Variants in INPP5A observed in about 807,000 individuals in gnomAD.
INPP5A encodes the protein inositol polyphosphate-5-phosphatase A.
INPP5A carries 14 observed loss-of-function variants against 65.2 expected under a neutral mutation model. That is an observed-to-expected ratio of 0.21 (90% CI 0.14 to 0.34). The LOEUF (loss-of-function observed/expected upper bound fraction) is 0.34, where lower values mean the gene tolerates loss of function less well. Ranked by LOEUF, INPP5A falls within the 10% of genes least tolerant of loss-of-function variation. The probability of loss-of-function intolerance (pLI) is 1.00; values close to 1 mark genes in which losing one functional copy is unlikely to be tolerated. For synonymous variants in INPP5A, 207 were observed against 208.3 expected (o/e 0.99, Z 0.05); for missense variants, 431 against 545.6 (o/e 0.79, Z 2.09).
At chr10:132,735,935 TG>T (rs1846168579) in intron 9 of INPP5A, among the ~76,000 whole-genome samples, 1 of 152,192 alleles carries the variant, frequency 6.6e-6, no homozygotes, top group Non-Finnish European at 1.5e-5. Context: ...AGTCCTGCCC[TG>T]CCCCACACCA....
At chr10:132,665,828 G>A (rs1018478348) in intron 4 of INPP5A, among the ~76,000 whole-genome samples, 2 of 151,880 alleles carry the variant, frequency 1.3e-5, no homozygotes, top group African/African-American at 2.4e-5. Context: ...GCTGAGGCAG[G>A]TGAATTGCTT....
chr10:132,759,744 G>C (rs1348517965), intron 11 of INPP5A, among the ~76,000 whole-genome samples: 2 of 152,024 alleles, frequency 1.3e-5, no homozygotes, highest in African/African-American at 4.8e-5. Flanking sequence ...GTAAGCATCA[G>C]TGACCCCCTC....
chr10:132,715,994 C>T (rs1327029539), intron 8 of INPP5A, among the ~76,000 whole-genome samples: 2 of 152,268 alleles, frequency 1.3e-5, no homozygotes, highest in African/African-American at 4.8e-5. Context: ...CTTAGCCTCT[C>T]CAGGGCGTGG....
intron 3 of INPP5A, among the ~76,000 whole-genome samples, chr10:132,649,256 TC>T (rs1346324225): frequency 6.6e-6 from 1 of 152,238 alleles, no homozygotes; most frequent in East Asian, 1.9e-4. Context: ...CGCTTTTCCT[TC>T]CGTCTGTGCG....
At chr10:132,744,618 C>G (rs1478418794) in intron 9 of INPP5A, among the ~76,000 whole-genome samples, 1 of 152,176 alleles carries the variant, frequency 6.6e-6, no homozygotes, top group Non-Finnish European at 1.5e-5. Context: ...TAGAATCTGC[C>G]CCTTAGTAGC....
chr10:132,641,353 G>A (rs1037289037), intron 2 of INPP5A, among the ~76,000 whole-genome samples: 18 of 152,188 alleles, frequency 1.2e-4, no homozygotes, highest in African/African-American at 3.9e-4. Context: ...TTCTTGTTGT[G>A]CCGATCCATT....
At chr10:132,713,223 C>CGT (rs1053689008) in intron 8 of INPP5A, among the ~76,000 whole-genome samples, 1 of 150,090 alleles carries the variant, frequency 6.7e-6, no homozygotes, top group African/African-American at 2.5e-5. Flanking sequence ...GGTGTGCACA[C>CGT]GTGTGTGTAG....
At chr10:132,758,142 G>A (rs1445670442) in intron 11 of INPP5A, among the ~76,000 whole-genome samples, 1 of 112,490 alleles carries the variant, frequency 8.9e-6, no homozygotes, top group Non-Finnish European at 1.9e-5. Flanking sequence ...CCAGTGCGAT[G>A]TTGTGGGTCC....
chr10:132,684,827 T>G (rs2073094419), intron 4 of INPP5A, among the ~76,000 whole-genome samples: 1 of 152,128 alleles, frequency 6.6e-6, no homozygotes, highest in African/African-American at 2.4e-5. Flanking sequence ...CAGGTGAGCA[T>G]GGTTTCGTGC....
At chr10:132,751,140 C>A (rs752587423) in intron 11 of INPP5A, among the ~76,000 whole-genome samples, 1 of 152,228 alleles carries the variant, frequency 6.6e-6, no homozygotes, top group East Asian at 1.9e-4. Context: ...CCAGACCCCA[C>A]GCTCCTGTCT....
intron 1 of INPP5A, among the ~76,000 whole-genome samples, chr10:132,596,973 A>ACACATGTG (rs1491580465): frequency 1.5e-5 from 2 of 133,702 alleles, no homozygotes; most frequent in Admixed American, 7.3e-5. Context: ...GCGTGTGTGC[A>ACACATGTG]TGCGTGTGTG....
intron 9 of INPP5A, among the ~76,000 whole-genome samples, chr10:132,734,529 G>C (rs1846142837): frequency 6.6e-6 from 1 of 152,246 alleles, no homozygotes; most frequent in African/African-American, 2.4e-5. Flanking sequence ...CAGGCCTGTG[G>C]ATGGCTGAGG....
intron 9 of INPP5A, among the ~76,000 whole-genome samples, chr10:132,733,583 C>T (rs528462365): frequency 2.6e-5 from 4 of 152,282 alleles, no homozygotes; most frequent in South Asian, 4.1e-4. Context: ...TAAAACATTT[C>T]GTAGAAATTT....
intron 9 of INPP5A, among the ~76,000 whole-genome samples, chr10:132,737,970 G>A (rs752881483): frequency 5.1e-4 from 77 of 152,058 alleles, no homozygotes; most frequent in Non-Finnish European, 9.0e-4. Context: ...TTTTCAACTG[G>A]TATATTGATG....
chr10:132,703,627 AAC>A (rs530751536), intron 6 of INPP5A, among the ~76,000 whole-genome samples: 44 of 61,052 alleles, frequency 7.2e-4, no homozygotes, highest in African/African-American at 2.6e-3. Flanking sequence ...TCTGCCCCCC[AAC>A]ACACGCGCAC....
intron 1 of INPP5A, among the ~76,000 whole-genome samples, chr10:132,577,809 T>A (rs898117234): frequency 6.6e-6 from 1 of 152,210 alleles, no homozygotes; most frequent in Non-Finnish European, 1.5e-5. Flanking sequence ...GACAGCAGCC[T>A]CTCTCGCCCA....
In INPP5A at chr10:132,597,108, T is replaced by C. The variant is rs564046557; in HGVS notation, c.76-10807T>C. Among the ~76,000 whole-genome samples, 50 of 152,232 alleles carry C rather than the reference T, an allele frequency of 3.3e-4. 1 individual carries two copies. The highest frequency in any genetic ancestry group is 1.4e-3 in the Admixed American group (21 of 15,292). On this transcript the variant is annotated intron_variant, in intron 1 of 15. Coordinates refer to ENST00000368594, the MANE Select transcript of INPP5A (RefSeq NM_005539.5). Reference sequence around the variant, plus strand: ...GTGTATGTGTGCATGTGTTTGCATGTGTGTGCATGGGTATGTGCACGTGTG... The same window carrying C: ...GTGTATGTGTGCATGTGTTTGCATGCGTGTGCATGGGTATGTGCACGTGTG...
At chr10:132,750,048 G>A (rs1188353948) in intron 11 of INPP5A, among the ~76,000 whole-genome samples, 4 of 152,218 alleles carry the variant, frequency 2.6e-5, no homozygotes, top group African/African-American at 9.6e-5. Flanking sequence ...TGGAGGCTCC[G>A]TATCACTGTC....
chr10:132,768,469 G>T (rs546442935), intron 12 of INPP5A, among the ~76,000 whole-genome samples: 3 of 152,374 alleles, frequency 2.0e-5, no homozygotes, highest in South Asian at 2.1e-4. Context: ...TCGGCATTTG[G>T]CTGGGTGAGA....
Sources: allele counts gnomAD v4.1 joint callset (sites outside exome capture counted in the v4.1 genomes callset), GRCh38; gene constraint gnomAD v4.1.1; transcripts MANE v1.5; gene names NCBI Gene and HGNC (gene_info 2026-07-23, HGNC 2026-07-21).